The following HMGA2 variants were observed in gnomAD, a reference collection of about 807,000 sequenced individuals.
HMGA2 encodes the protein high mobility group protein HMGI-C.
A neutral mutation model predicts 19.1 loss-of-function variants in HMGA2; 8 were observed. That is an observed-to-expected ratio of 0.42 (90% CI 0.25 to 0.76). The LOEUF is 0.76. HMGA2 is among the 30% of genes least tolerant of loss of function. The pLI, the probability that HMGA2 is intolerant of heterozygous loss-of-function variation, is 0.28. For missense variants in HMGA2, 109 were observed against 136.3 expected, an observed-to-expected ratio of 0.80 and a Z score of 1.00; for synonymous variants, 60 against 48.8, an observed-to-expected ratio of 1.23 and a Z score of -0.96.
intron 3 of HMGA2, among the ~76,000 whole-genome samples, chr12:65,910,271 C>T (rs1463081898): frequency 6.6e-6 from 1 of 152,168 alleles, no homozygotes; most frequent in Non-Finnish European, 1.5e-5. Context: ...ATTGCCTAAC[C>T]ATTCTCATGA....
Position 65,825,091 on chromosome 12 carries a change from C to T in HMGA2, c.-180C>T, listed in dbSNP as rs1870078110. The stretch of plus-strand genomic sequence containing the variant: ...TCTCTTTTTGGCAGCCGCTGGACGT[C>T]CGGTGTTGATGGTGGCAGCGGCGGC... On this transcript the variant is annotated 5_prime_UTR_variant, in exon 1 of 5. Coordinates refer to ENST00000403681, the MANE Select transcript of HMGA2 (RefSeq NM_003483.6). This position sits in a 1 kb window ranked among gnomAD's most constrained non-coding sequence, Gnocchi z 4.4. The T allele has an allele frequency of 1.2e-5, 6 of 516,542 alleles. No individual in the cohort carries two copies. The East Asian group carries it at 2.1e-4, about 18-fold the overall frequency. The allele number at this position is 516,542 out of a possible 1,614,324, so 32.0% of individuals were successfully genotyped here. A position where few individuals can be genotyped will look rare whatever the true frequency, so the allele number is the denominator to read the frequency against.
At chr12:65,891,549 G>A (rs1873912276) in intron 3 of HMGA2, among the ~76,000 whole-genome samples, 1 of 152,182 alleles carries the variant, frequency 6.6e-6, no homozygotes, top group South Asian at 2.1e-4. Context: ...GCTGACAAAT[G>A]TTTCATCAAC....
At position 65,963,552 on chromosome 12, in the gene HMGA2, A is replaced by AATT. The variant is rs1876818321; in HGVS notation, c.*261_*262insTTA. ...GCTGTAAACACAGGGGACACAGCTT[A>AATT]ACAATGCAACTTTTAATTACTGTTT... is the stretch of plus-strand genomic sequence containing the variant. On this transcript the variant is annotated 3_prime_UTR_variant, in exon 5 of 5. Transcript: ENST00000403681. 1.9e-6 allele frequency: 1 copy of AATT among 515,116 alleles called. No individual in the cohort carries two copies. The highest frequency in any genetic ancestry group is 3.6e-5 in the Admixed American group (1 of 27,686). 31.9% of individuals were successfully genotyped at this position (515,116 alleles called of 1,614,324 possible).
At chr12:65,913,772 G>A (rs1024546659) in intron 3 of HMGA2, among the ~76,000 whole-genome samples, 9 of 152,116 alleles carry the variant, frequency 5.9e-5, no homozygotes, top group Non-Finnish European at 1.3e-4. Flanking sequence ...GGGTTCATGG[G>A]ACCTGTCTCT....
At position 65,825,423 on chromosome 12, in the gene HMGA2, C is replaced by G; in HGVS notation, c.111+42C>G. On this transcript the variant is annotated intron_variant, in intron 1 of 4. Transcript: ENST00000403681. This position sits in a 1 kb window ranked among gnomAD's most constrained non-coding sequence, Gnocchi z 4.4. ...GGTGGGGGCACCAGCCCACCCCGTC[C>G]CCACTGCCGGGGCCCAGACACGCGC... 4 of 1,399,912 alleles carry G rather than the reference C, an allele frequency of 2.9e-6. No homozygotes were observed. The South Asian group carries it at 4.0e-5, about 14-fold the overall frequency. The allele number at this position is 1,399,912 out of a possible 1,614,324, so 86.7% of individuals were successfully genotyped here.
chr12:65,830,927 A>G (rs1243252027), intron 2 of HMGA2: 1 of 151,922 alleles, frequency 6.6e-6, no homozygotes, highest in African/African-American at 2.4e-5. Flanking sequence ...AAAACTAATT[A>G]CTATGCATGA....
intron 3 of HMGA2, among the ~76,000 whole-genome samples, chr12:65,913,451 T>A (rs1033265356): frequency 6.6e-6 from 1 of 152,200 alleles, no homozygotes. Context: ...CATTTTCTAA[T>A]CTTATTTCTT....
chr12:65,902,381 T>A (rs1874409814), intron 3 of HMGA2, among the ~76,000 whole-genome samples: 2 of 152,196 alleles, frequency 1.3e-5, no homozygotes, highest in African/African-American at 4.8e-5. Flanking sequence ...AATTATAATA[T>A]CTTCATTTTA....
chr12:65,909,085 G>T (rs4762124), intron 3 of HMGA2, among the ~76,000 whole-genome samples: 12,605 of 152,110 alleles, frequency 0.083, 845 homozygotes, highest in African/African-American at 0.18. Flanking sequence ...AAAGTAAATA[G>T]ATTACCTTTA....
At chr12:65,915,891 TTCTCTACC>T (rs1287117257) in intron 3 of HMGA2, among the ~76,000 whole-genome samples, 2 of 152,182 alleles carry the variant, frequency 1.3e-5, no homozygotes, top group Non-Finnish European at 2.9e-5. Flanking sequence ...CTTCCCCCTC[TTCTCTACC>T]ACGCCTCTAG....
At chr12:65,914,677 A>C in intron 3 of HMGA2, 1 of 284,736 alleles carries the variant, frequency 3.5e-6, no homozygotes. Context: ...TGTTGTTGTT[A>C]TTGTTGTTGT....
chr12:65,949,605 A>C (rs1876387195), intron 3 of HMGA2, among the ~76,000 whole-genome samples: 1 of 152,222 alleles, frequency 6.6e-6, no homozygotes, highest in Non-Finnish European at 1.5e-5. Context: ...ATCTTTTATA[A>C]TGCCAAAGAA....
intron 3 of HMGA2, chr12:65,942,664 GC>G (rs2121294519): frequency 6.6e-6 from 1 of 152,166 alleles, no homozygotes; most frequent in Non-Finnish European, 1.5e-5. Flanking sequence ...ACTTCAGACT[GC>G]TTTATGTTCC....
intron 3 of HMGA2, among the ~76,000 whole-genome samples, chr12:65,878,497 G>C (rs892111567): frequency 6.6e-5 from 10 of 152,214 alleles, no homozygotes; most frequent in African/African-American, 2.4e-4. Context: ...ACCTTGCTAT[G>C]AAGTGATATT....
chr12:65,846,235 G>A (rs756913350), intron 3 of HMGA2, among the ~76,000 whole-genome samples: 4 of 152,290 alleles, frequency 2.6e-5, no homozygotes, highest in Non-Finnish European at 1.5e-5. Flanking sequence ...TCAGGATGCC[G>A]TAGTAAACAA....
intron 3 of HMGA2, among the ~76,000 whole-genome samples, chr12:65,887,117 C>T (rs1045824888): frequency 2.0e-5 from 3 of 152,130 alleles, no homozygotes; most frequent in South Asian, 2.1e-4. Flanking sequence ...ATTACACAAA[C>T]GCTGACTCCC....
chr12:65,951,504 G>T lies in HMGA2; in HGVS notation c.282+89G>T, dbSNP rs375412389. Reference sequence around the variant, plus strand: ...ATGTCCCCAAACTAAACCTTATTTCGCATTTTCTTACTTTTGGTTATCGTC... The same window carrying T: ...ATGTCCCCAAACTAAACCTTATTTCTCATTTTCTTACTTTTGGTTATCGTC... On this transcript the variant is annotated intron_variant, in intron 4 of 4. Coordinates refer to ENST00000403681, the MANE Select transcript of HMGA2 (RefSeq NM_003483.6). 166 of 847,890 alleles carry T rather than the reference G, an allele frequency of 2.0e-4. No individual in the cohort carries two copies. The East Asian group carries it at 3.1e-3, about 16-fold the overall frequency. 52.5% of individuals were successfully genotyped at this position (847,890 alleles called of 1,614,324 possible). A position where few individuals can be genotyped will look rare whatever the true frequency, so the allele number is the denominator to read the frequency against.
intron 3 of HMGA2, among the ~76,000 whole-genome samples, chr12:65,888,552 C>CTCTT (rs1873760816): frequency 1.1e-5 from 1 of 90,304 alleles, no homozygotes; most frequent in Non-Finnish European, 2.1e-5. Context: ...CCGTGGTGTG[C>CTCTT]TCTTTTTTTT....
At chr12:65,877,552 G>T (rs994042180) in intron 3 of HMGA2, among the ~76,000 whole-genome samples, 1 of 152,108 alleles carries the variant, frequency 6.6e-6, no homozygotes, top group Non-Finnish European at 1.5e-5. Context: ...AGTTCATCCC[G>T]CTGTACAGCA....
Sources: allele counts gnomAD v4.1 joint callset (sites outside exome capture counted in the v4.1 genomes callset), GRCh38; gene constraint gnomAD v4.1.1; non-coding constraint Gnocchi (gnomAD v3.1); transcripts MANE v1.5; gene names NCBI Gene and HGNC (gene_info 2026-07-23, HGNC 2026-07-21).